The following XKR5 variants were observed in gnomAD, a reference collection of about 807,000 sequenced individuals.
XKR5 encodes XK-related protein 5.
In XKR5, 46 loss-of-function variants were observed where a neutral mutation model predicts 40.8. That is an observed-to-expected ratio of 1.13 (90% CI 0.89 to 1.44). The LOEUF (loss-of-function observed/expected upper bound fraction) is 1.44. Among genes scored for constraint, XKR5 ranks in the 40% most tolerant of loss-of-function variants. The pLI is 0.00. For missense variants in XKR5, 1,169 were observed against 844.7 expected (o/e 1.38, Z -4.76); for synonymous variants, 466 against 356.1 (o/e 1.31, Z -3.48).
chr8:6,820,474 T>C (rs1424169391), intron 5 of XKR5, among the ~76,000 whole-genome samples: 1 of 152,190 alleles, frequency 6.6e-6, no homozygotes, highest in Non-Finnish European at 1.5e-5. Flanking sequence ...GCAAACAAGG[T>C]GGCAGGTGTC....
rs1485857775 is a variant in XKR5 at position 6,815,821 on chromosome 8, G to C, written c.905C>G (p.Ser302Cys). 1 of 1,602,456 alleles carries C rather than the reference G, an allele frequency of 6.2e-7. No individual in the cohort carries two copies. Among genetic ancestry groups the C allele is most frequent in the Non-Finnish European group, 8.5e-7 (1 of 1,174,330 alleles). ...TTGGGACTTACCAATCAGAAATCCA[G>C]ACAGGACCCCAGCTATGGTCTGCAG... is the stretch of plus-strand genomic sequence containing the variant. ...TSLQTIAGVL[S>C]GFLIGSVSLV... The change falls in exon 6 of 7, where the codon TCT (serine) becomes TGT (cysteine). Residue 302 changes from serine to cysteine, a missense_variant. Coordinates refer to ENST00000618742, the MANE Select transcript of XKR5 (RefSeq NM_207411.5).
Position 6,810,586 on chromosome 8 carries a change from G to A in XKR5, c.*612C>T, listed in dbSNP as rs1803635442. ...GTGCATGTGCCCTTAGCATGGGTGA[G>A]GCTGAGCTAAGTGAGTCTACCCTTC... On this transcript the variant is annotated 3_prime_UTR_variant, in exon 7 of 7. Coordinates refer to ENST00000618742, the MANE Select transcript of XKR5 (RefSeq NM_207411.5). The A allele has an allele frequency of 1.3e-5, 2 of 152,280 alleles. No individual in the cohort carries two copies. Among genetic ancestry groups the A allele is most frequent in the Admixed American group, 1.3e-4 (2 of 15,288 alleles). 9.4% of individuals were successfully genotyped at this position (152,280 alleles called of 1,614,324 possible).
rs1310917039 is a variant in XKR5, at chr8:6,824,020, C to T, written c.428-290G>A. 2.0e-5 allele frequency among the ~76,000 whole-genome samples: 3 copies of T among 152,198 alleles called. 1 individual carries two copies. Among genetic ancestry groups the T allele is most frequent in the Admixed American group, 2.0e-4 (3 of 15,280 alleles). ...AAATGGGCTGGACTCTTCCTTTCTA[C>T]GCCCTTTAAGAAAAACGTCCCAGCT... On this transcript the variant is annotated intron_variant, in intron 3 of 6. Coordinates refer to ENST00000618742, the MANE Select transcript of XKR5 (RefSeq NM_207411.5).
Position 6,821,892 on chromosome 8 carries a change from T to A in XKR5, c.784A>T (p.Asn262Tyr). The stretch of plus-strand genomic sequence containing the variant: ...GCCATGTAGAACGTGACCATCCTAT[T>A]TCTAGAAGGGCTGTCCCAGAAGCTG... ...YLSFWDSPSRNRMVTFYMVML... is the reference protein window; with the variant it reads ...YLSFWDSPSRYRMVTFYMVML... The change falls in exon 5 of 7, where the codon AAT becomes TAT. Residue 262 changes from asparagine to tyrosine, a missense_variant. Coordinates refer to ENST00000618742, the MANE Select transcript of XKR5 (RefSeq NM_207411.5). 3 of 1,613,396 alleles carry A rather than the reference T, an allele frequency of 1.9e-6. No individual in the cohort carries two copies. The highest frequency in any genetic ancestry group is 1.7e-6 in the Non-Finnish European group (2 of 1,179,696).
intron 2 of XKR5, among the ~76,000 whole-genome samples, chr8:6,829,708 G>T (rs534795650): frequency 1.3e-5 from 2 of 151,614 alleles, no homozygotes; most frequent in African/African-American, 4.9e-5. Flanking sequence ...TGGAGATGGG[G>T]TTTCGACAGT....
chr8:6,821,864 C>G lies in XKR5; in HGVS notation c.807+5G>C, dbSNP rs772900908. 5 of 1,612,394 alleles carry G rather than the reference C, an allele frequency of 3.1e-6. No homozygotes were observed. In the East Asian group the frequency reaches 8.9e-5, roughly 29 times the overall value. On this transcript the variant is annotated splice_donor_5th_base_variant and intron_variant, in intron 5 of 6. Coordinates refer to ENST00000618742, the MANE Select transcript of XKR5 (RefSeq NM_207411.5). ...AAAGTTAGGATAAAGAAAAGTGCCACTTGCCATGTAGAACGTGACCATCCT... is the reference window on the plus strand; with the variant it reads ...AAAGTTAGGATAAAGAAAAGTGCCAGTTGCCATGTAGAACGTGACCATCCT...
At chr8:6,832,199 T>G (rs2117121992) in intron 2 of XKR5, among the ~76,000 whole-genome samples, 1 of 152,248 alleles carries the variant, frequency 6.6e-6, no homozygotes, top group Middle Eastern at 3.4e-3. Context: ...GGATCACGGA[T>G]AAGCCCACCA....
In XKR5 at chr8:6,825,298, G is replaced by A; in HGVS notation, c.294C>T (p.His98=). 6.2e-7 allele frequency: 1 copy of A among 1,608,802 alleles called. No individual in the cohort carries two copies. Residue 98 remains histidine, a synonymous_variant, in exon 3 of 7, where the codon CAC becomes CAT. Coordinates refer to ENST00000618742, the MANE Select transcript of XKR5 (RefSeq NM_207411.5). The part of the protein sequence containing the change: ...TSLQKELEAP[H]RGWLQLQEAD... Reference sequence around the variant, plus strand: ...CCTCCTGCAGCTGCAGCCAGCCTCGGTGGGGAGCCTCCAGTTCCTTCTGCA... The same window carrying A: ...CCTCCTGCAGCTGCAGCCAGCCTCGATGGGGAGCCTCCAGTTCCTTCTGCA...
intron 6 of XKR5, among the ~76,000 whole-genome samples, 153 bp from the exon 7 acceptor site, chr8:6,812,492 C>T (rs866276423): frequency 7.2e-5 from 11 of 152,294 alleles, no homozygotes; most frequent in Middle Eastern, 3.4e-3. Flanking sequence ...CTGGATATTT[C>T]GGGGGAATTT....
In XKR5 at chr8:6,811,220, T is replaced by G; in HGVS notation, c.2039A>C (p.Gln680Pro). Residue 680 changes from glutamine to proline, a missense_variant, in exon 7 of 7, where the codon CAA (glutamine) becomes CCA (proline). Physicochemically the swap from Gln to Pro is moderately conservative, Grantham distance 76. Transcript: ENST00000618742. ...TDCSCREQMK[Q>P]EPSFFI ...TGGTCAGATGAAAAAACTCGGCTCTTGCTTCATCTGTTCCCTGCAGCTGCA... is the reference window on the plus strand; with the variant it reads ...TGGTCAGATGAAAAAACTCGGCTCTGGCTTCATCTGTTCCCTGCAGCTGCA... The G allele has an allele frequency of 6.5e-7, 1 of 1,536,666 alleles. No individual in the cohort carries two copies. The highest frequency in any genetic ancestry group is 1.2e-5 in the South Asian group (1 of 84,018).
chr8:6,811,120 A>G lies in XKR5; in HGVS notation c.*78T>C, dbSNP rs1038529136. ...TGTGCCCAAGGACACAGGTGTCAGA[A>G]GTGGGATTTCCTTTCTCACGGTACC... On this transcript the variant is annotated 3_prime_UTR_variant, in exon 7 of 7. Transcript: ENST00000618742. 6.6e-5 allele frequency: 90 copies of G among 1,373,000 alleles called. 1 individual carries two copies. The South Asian group carries it at 8.9e-4, about 14-fold the overall frequency. The allele number at this position is 1,373,000 out of a possible 1,614,324, so 85.1% of individuals were successfully genotyped here. A position where few individuals can be genotyped will look rare whatever the true frequency, so the allele number is the denominator to read the frequency against.
intron 6 of XKR5, 139 bp downstream of exon 6, chr8:6,815,668 C>G (rs1803920696): frequency 1.6e-6 from 1 of 616,930 alleles, no homozygotes; most frequent in Non-Finnish European, 2.9e-6. Flanking sequence ...TGGCTCTGCC[C>G]CCCACATCGC....
In XKR5 at chr8:6,821,907, C is replaced by A. The variant is rs189574459; in HGVS notation, c.769G>T (p.Asp257Tyr). Residue 257 changes from aspartate (D) to tyrosine (Y), a missense_variant, in exon 5 of 7, where the codon GAC becomes TAC. By Grantham distance (160) the Asp-to-Tyr change is radical. Transcript: ENST00000618742. ...VYILCYLSFW[D>Y]SPSRNRMVTF... ...ACCATCCTATTTCTAGAAGGGCTGT[C>A]CCAGAAGCTGAGGTAGCAGAGGATG... 2,736 of 1,613,422 alleles carry A rather than the reference C, an allele frequency of 1.7e-3. 2 individuals are homozygous for A. Among genetic ancestry groups the A allele is most frequent in the Non-Finnish European group, 2.2e-3 (2,563 of 1,179,674 alleles).
rs184181273 is a variant in XKR5, at chr8:6,825,120, C to T, written c.427+45G>A. 9.7e-4 allele frequency: 1,552 copies of T among 1,607,144 alleles called. 20 individuals carry two copies. In the South Asian group the frequency reaches 0.015, roughly 15 times the overall value. Reference sequence around the variant, plus strand: ...TAAACAGGCTCACATTCCTGTCCCCCTTCGGCAGTCAGACAGTCTGTGCTC... The same window carrying T: ...TAAACAGGCTCACATTCCTGTCCCCTTTCGGCAGTCAGACAGTCTGTGCTC... On this transcript the variant is annotated intron_variant, in intron 3 of 6. Coordinates refer to ENST00000618742, the MANE Select transcript of XKR5 (RefSeq NM_207411.5).
chr8:6,824,163 G>A (rs778372560), intron 3 of XKR5, among the ~76,000 whole-genome samples: 39 of 152,164 alleles, frequency 2.6e-4, no homozygotes, highest in Non-Finnish European at 5.1e-4. Flanking sequence ...ATAAAAGAAC[G>A]AAAACATCAA....
In XKR5 at chr8:6,809,389, A is replaced by T. The variant is rs1055644875; in HGVS notation, c.*1809T>A. 1 of 152,176 alleles carries T rather than the reference A, an allele frequency of 6.6e-6. No homozygotes were observed. The highest frequency in any genetic ancestry group is 2.4e-5 in the African/African-American group (1 of 41,382). The allele number at this position is 152,176 out of a possible 1,614,324, so 9.4% of individuals were successfully genotyped here. On this transcript the variant is annotated 3_prime_UTR_variant, in exon 7 of 7. Coordinates refer to ENST00000618742, the MANE Select transcript of XKR5 (RefSeq NM_207411.5). ...ACTGCAACCTCTGCCTCCCAGTTCA[A>T]CTGATTCTCGTGCCTCAGCCTCTCG...
Position 6,812,260 on chromosome 8 carries a change from G to A in XKR5, c.999C>T (p.Ser333=), listed in dbSNP as rs1287132496. 1 of 1,553,698 alleles carries A rather than the reference G, an allele frequency of 6.4e-7. No individual in the cohort carries two copies. Residue 333 remains serine (S), a synonymous_variant, in exon 7 of 7, where the codon TCC becomes TCT. Coordinates refer to ENST00000618742, the MANE Select transcript of XKR5 (RefSeq NM_207411.5). Reference sequence around the variant, plus strand: ...TTTTATCACCTCCTGCAATGCCACAGGACTTCCTTAGGCAGCCCTGCCAGA... The same window carrying A: ...TTTTATCACCTCCTGCAATGCCACAAGACTTCCTTAGGCAGCCCTGCCAGA... ...TDIWQGCLRK[S]CGIAGGDKTE... is the part of the protein sequence containing the mutation.
chr8:6,828,207 G>T (rs1804607181), intron 2 of XKR5, among the ~76,000 whole-genome samples: 1 of 152,208 alleles, frequency 6.6e-6, no homozygotes, highest in African/African-American at 2.4e-5. Context: ...CTTGGGTAGT[G>T]GTGGAATCAG....
chr8:6,823,494 G>A (rs1804329334), intron 4 of XKR5, 27 bp downstream of exon 4: 1 of 1,561,072 alleles, frequency 6.4e-7, no homozygotes, highest in South Asian at 1.2e-5. Flanking sequence ...TGCAGCAACA[G>A]ATGACCAGAT....
Sources: gnomAD v4.1 joint callset for allele counts (sites outside exome capture counted in the v4.1 genomes callset) on GRCh38, gnomAD v4.1.1 for gene constraint, MANE v1.5 for transcripts, NCBI Gene and HGNC (gene_info 2026-07-23, HGNC 2026-07-21) for gene names.